Variants in UBE2E2 observed in about 807,000 individuals in gnomAD.
UBE2E2 encodes ubiquitin-conjugating enzyme E2 E2.
A neutral mutation model predicts 24.7 loss-of-function variants in UBE2E2; 6 were observed. That is an observed-to-expected ratio of 0.24 (90% CI 0.13 to 0.48). UBE2E2 has a LOEUF of 0.48. UBE2E2 is among the 20% of genes least tolerant of loss of function. The pLI, the probability that UBE2E2 is intolerant of heterozygous loss-of-function variation, is 0.99. For missense variants in UBE2E2, 169 were observed against 245.0 expected (o/e 0.69, Z 2.07); for synonymous variants, 104 against 83.6 (o/e 1.24, Z -1.33).
chr3:23,233,929 C>A (rs1015031010), intron 3 of UBE2E2, among the ~76,000 whole-genome samples: 10 of 152,070 alleles, frequency 6.6e-5, no homozygotes, highest in Non-Finnish European at 1.3e-4. Flanking sequence ...TAAATAGCTT[C>A]TATCAAATGT....
intron 5 of UBE2E2, among the ~76,000 whole-genome samples, chr3:23,571,057 T>C (rs768983793): frequency 1.3e-5 from 2 of 152,050 alleles, no homozygotes; most frequent in Non-Finnish European, 2.9e-5. Flanking sequence ...TTTCCCACCA[T>C]GCACATAGAC....
chr3:23,394,684 ACT>A (rs1440494089), intron 3 of UBE2E2, among the ~76,000 whole-genome samples: 1 of 152,072 alleles, frequency 6.6e-6, no homozygotes, highest in Non-Finnish European at 1.5e-5. Context: ...TCTGAGCAGA[ACT>A]CTGGTACTGT....
At chr3:23,550,159 G>T (rs1178553901) in intron 5 of UBE2E2, among the ~76,000 whole-genome samples, 1 of 152,100 alleles carries the variant, frequency 6.6e-6, no homozygotes. Flanking sequence ...TAGGAAGAAT[G>T]AATTATAACT....
chr3:23,527,785 C>T (rs947943969), intron 4 of UBE2E2, among the ~76,000 whole-genome samples: 2 of 152,112 alleles, frequency 1.3e-5, no homozygotes, highest in African/African-American at 4.8e-5. Context: ...GGTTGTTGTA[C>T]CCCAAGAGGG....
intron 3 of UBE2E2, among the ~76,000 whole-genome samples, chr3:23,301,103 C>T (rs1415614442): frequency 1.3e-5 from 2 of 152,192 alleles, no homozygotes; most frequent in African/African-American, 4.8e-5. Context: ...GCATTTGTCA[C>T]GTAGCTCTCA....
intron 3 of UBE2E2, among the ~76,000 whole-genome samples, chr3:23,276,137 A>G (rs1427273994): frequency 6.6e-6 from 1 of 151,866 alleles, no homozygotes; most frequent in Non-Finnish European, 1.5e-5. Context: ...ATGTACACAG[A>G]TTGGTTGTTG....
At chr3:23,465,009 T>C (rs1698890799) in intron 3 of UBE2E2, among the ~76,000 whole-genome samples, 1 of 152,230 alleles carries the variant, frequency 6.6e-6, no homozygotes, top group Non-Finnish European at 1.5e-5. Context: ...ACCTGAGCTT[T>C]CATTGACACA....
chr3:23,557,530 A>G (rs1293213018), intron 5 of UBE2E2, among the ~76,000 whole-genome samples: 2 of 152,148 alleles, frequency 1.3e-5, no homozygotes, highest in Non-Finnish European at 2.9e-5. Context: ...TAGATACACC[A>G]GTTCACTTAA....
chr3:23,404,798 A>G (rs921912963), intron 3 of UBE2E2, among the ~76,000 whole-genome samples: 2 of 152,192 alleles, frequency 1.3e-5, no homozygotes, highest in Non-Finnish European at 2.9e-5. Flanking sequence ...TAATACTCCT[A>G]TGGCAACAGG....
chr3:23,257,532 T>C (rs1697769349), intron 3 of UBE2E2, among the ~76,000 whole-genome samples: 27 of 12,336 alleles, frequency 2.2e-3, no homozygotes, highest in African/African-American at 4.5e-3. Flanking sequence ...CCCCCCCACT[T>C]TTTTTTTTTT....
intron 3 of UBE2E2, among the ~76,000 whole-genome samples, chr3:23,292,184 G>C (rs1698789117): frequency 6.6e-6 from 1 of 152,004 alleles, no homozygotes; most frequent in African/African-American, 2.4e-5. Context: ...TTGCCGTGTT[G>C]CCTAGGCTGC....
rs1697402533 is a variant in UBE2E2 at position 23,407,872 on chromosome 3, T to G, written c.228-91736T>G. ...TTCCCAAAGATTTCTGATTCTGTAATAGTCCTGTTTCAGTAATTCTTAATT... is the reference window on the plus strand; with the variant it reads ...TTCCCAAAGATTTCTGATTCTGTAAGAGTCCTGTTTCAGTAATTCTTAATT... On this transcript the variant is annotated intron_variant, in intron 3 of 5. Transcript: ENST00000396703. This position sits in a 1 kb window ranked among gnomAD's most constrained non-coding sequence, Gnocchi z 4.0. Among the ~76,000 whole-genome samples the G allele has an allele frequency of 6.6e-6, 1 of 152,044 alleles. No homozygotes were observed. The highest frequency in any genetic ancestry group is 1.5e-5 in the Non-Finnish European group (1 of 68,000).
At chr3:23,468,285 C>T (rs1234166771) in intron 3 of UBE2E2, among the ~76,000 whole-genome samples, 1 of 152,182 alleles carries the variant, frequency 6.6e-6, no homozygotes, top group African/African-American at 2.4e-5. Context: ...CACACTTCAG[C>T]AGTTGTTTTT....
chr3:23,366,653 G>A (rs566951919), intron 3 of UBE2E2, among the ~76,000 whole-genome samples: 1 of 152,102 alleles, frequency 6.6e-6, no homozygotes, highest in Non-Finnish European at 1.5e-5. Context: ...TTGAAAAACT[G>A]CCTGTTGGGT....
chr3:23,354,971 A>C (rs2125325039), intron 3 of UBE2E2, among the ~76,000 whole-genome samples: 1 of 152,172 alleles, frequency 6.6e-6, no homozygotes, highest in East Asian at 1.9e-4. Context: ...AAAGACTTGG[A>C]ACCAACCCAA....
intron 3 of UBE2E2, among the ~76,000 whole-genome samples, chr3:23,234,574 C>T (rs73033551): frequency 0.34 from 51,046 of 151,904 alleles, 8,807 homozygotes; most frequent in South Asian, 0.37. Flanking sequence ...TCGATATTTA[C>T]GTGTTGACAG....
chr3:23,374,976 A>G lies in UBE2E2; in HGVS notation c.228-124632A>G, dbSNP rs138603122. 8.0e-3 allele frequency among the ~76,000 whole-genome samples: 1,212 copies of G among 152,220 alleles called. 22 individuals carry two copies. Among genetic ancestry groups the G allele is most frequent in the African/African-American group, 0.027 (1,125 of 41,552 alleles). ...GAAGATTGTATTTTTTAATTATTAC[A>G]TACCTTAAAAGCCATGAGAGAAGTG... On this transcript the variant is annotated intron_variant, in intron 3 of 5. Coordinates refer to ENST00000396703, the MANE Select transcript of UBE2E2 (RefSeq NM_152653.4).
rs529399125 is a variant in UBE2E2, at chr3:23,267,271, T to C, written c.227+49959T>C. Among the ~76,000 whole-genome samples, 291 of 151,510 alleles carry C rather than the reference T, an allele frequency of 1.9e-3. 2 individuals carry two copies. The highest frequency in any genetic ancestry group is 6.8e-3 in the African/African-American group (279 of 41,218). ...AAAAATAAATGAATCCAGGAGCTGG[T>C]TTTTTGAAAGGATCAACAAAATTGA... On this transcript the variant is annotated intron_variant, in intron 3 of 5. Transcript: ENST00000396703.
intron 4 of UBE2E2, among the ~76,000 whole-genome samples, chr3:23,503,085 G>GT (rs1337117137): frequency 3.3e-5 from 5 of 151,778 alleles, no homozygotes; most frequent in Non-Finnish European, 7.4e-5. Context: ...ATTTTTCAGT[G>GT]TAGACATATG....
Sources: allele counts gnomAD v4.1 joint callset (sites outside exome capture counted in the v4.1 genomes callset), GRCh38; gene constraint gnomAD v4.1.1; non-coding constraint Gnocchi (gnomAD v3.1); transcripts MANE v1.5; gene names NCBI Gene and HGNC (gene_info 2026-07-23, HGNC 2026-07-21).